RNF215: variants seen among roughly 807,000 people sequenced by gnomAD.
The protein encoded by RNF215 is ring finger protein 215.
Under a neutral mutation model 44.8 loss-of-function variants are expected in RNF215, and 41 were observed. The ratio of observed to expected loss-of-function variants is 0.92; its 90% confidence interval spans 0.71 to 1.19. RNF215 has a LOEUF of 1.19. RNF215 is among the 50% of genes most tolerant of loss of function. The pLI is 0.00. For synonymous variants in RNF215, 218 were observed against 230.1 expected, an observed-to-expected ratio of 0.95 and a Z score of 0.48; for missense variants, 452 against 496.2, an observed-to-expected ratio of 0.91 and a Z score of 0.85.
At chr22:30,381,612 A>G (rs1933530634) in intron 5 of RNF215, among the ~76,000 whole-genome samples, 1 of 152,210 alleles carries the variant, frequency 6.6e-6, no homozygotes, top group Admixed American at 6.5e-5. Flanking sequence ...GCAGCTGAGT[A>G]CTGCTCTGCC....
Position 30,386,266 on chromosome 22 carries a change from T to G in RNF215, c.430-125A>C, listed in dbSNP as rs565797160. ...GAGCAAAACTCTGGACAGACTGCCA[T>G]AAGCTCCTTGAGGTCAAAGGTGGAA... On this transcript the variant is annotated intron_variant, in intron 2 of 8. Coordinates refer to ENST00000382363, the MANE Select transcript of RNF215 (RefSeq NM_001017981.2). The G allele has an allele frequency of 8.8e-5, 79 of 900,674 alleles. No homozygotes were observed. The East Asian group carries it at 2.0e-3, about 23-fold the overall frequency. The allele number at this position is 900,674 out of a possible 1,614,324, so 55.8% of individuals were successfully genotyped here. A position where few individuals can be genotyped will look rare whatever the true frequency, so the allele number is the denominator to read the frequency against.
In RNF215 at chr22:30,379,015, T is replaced by C. The variant is rs1036248051; in HGVS notation, c.*585A>G. ...ACAGGACGGTTTCTAAGACCTCTGG[T>C]CCTAGCCAGGCCCAGGAAGGGAGCC... On this transcript the variant is annotated 3_prime_UTR_variant, in exon 9 of 9. Transcript: ENST00000382363. 1 of 154,196 alleles carries C rather than the reference T, an allele frequency of 6.5e-6. No individual in the cohort carries two copies. Among genetic ancestry groups the C allele is most frequent in the Non-Finnish European group, 1.4e-5 (1 of 69,822 alleles). 9.6% of individuals were successfully genotyped at this position (154,196 alleles called of 1,614,324 possible). A position where few individuals can be genotyped will look rare whatever the true frequency, so the allele number is the denominator to read the frequency against.
Position 30,387,336 on chromosome 22 carries a change from C to T in RNF215, c.-23G>A, listed in dbSNP as rs1933618739. On this transcript the variant is annotated 5_prime_UTR_variant, in exon 1 of 9. Transcript: ENST00000382363. ...CATGGCCGGACCCGGCGAGCTGGCC[C>T]AACAGTGGGGCCAGGGGTCCCGGGC... 3 of 1,053,298 alleles carry T rather than the reference C, an allele frequency of 2.8e-6. No individual in the cohort carries two copies. The highest frequency in any genetic ancestry group is 3.4e-6 in the Non-Finnish European group (3 of 875,350). The allele number at this position is 1,053,298 out of a possible 1,614,324, so 65.2% of individuals were successfully genotyped here.
At chr22:30,385,733 C>T (rs542555286) in intron 4 of RNF215, among the ~76,000 whole-genome samples, 171 bp downstream of exon 4, 3 of 150,646 alleles carry the variant, frequency 2.0e-5, no homozygotes, top group East Asian at 2.0e-4. Flanking sequence ...TCCAGTGAGC[C>T]GAGATTGCGC....
rs1167052049 is a variant in RNF215, at chr22:30,385,918, C to T, written c.573G>A (p.Leu191=). Residue 191 remains leucine, a synonymous_variant, in exon 4 of 9, where the codon TTG becomes TTA. Coordinates refer to ENST00000382363, the MANE Select transcript of RNF215 (RefSeq NM_001017981.2). ...TACCAACTCACTGCAGCAATGCATC[C>T]AACAGCTTGGTGACATTGGAGGAAT... is the stretch of plus-strand genomic sequence containing the variant. ...LHYSSNVTKL[L]DALLQRTQAT... is the part of the protein sequence containing the mutation. The T allele has an allele frequency of 1.2e-6, 2 of 1,613,992 alleles. No homozygotes were observed. Among genetic ancestry groups the T allele is most frequent in the South Asian group, 1.1e-5 (1 of 91,072 alleles).
At position 30,384,405 on chromosome 22, in the gene RNF215, G is replaced by T; in HGVS notation, c.678C>A (p.Leu226=). 1 of 1,614,068 alleles carries T rather than the reference G, an allele frequency of 6.2e-7. No homozygotes were observed. The highest frequency in any genetic ancestry group is 8.5e-7 in the Non-Finnish European group (1 of 1,179,988). ...WKLTLWTTCG[L]SKDGYGGWQD... ...GCCATCCTCCATAGCCATCCTTGGAGAGGCCACAGGTGGTCCACAAGGTCA... is the reference window on the plus strand; with the variant it reads ...GCCATCCTCCATAGCCATCCTTGGATAGGCCACAGGTGGTCCACAAGGTCA... Residue 226 remains leucine, a synonymous_variant, in exon 5 of 9, where the codon CTC becomes CTA. Coordinates refer to ENST00000382363, the MANE Select transcript of RNF215 (RefSeq NM_001017981.2).
intron 2 of RNF215, 57 bp from the exon 3 acceptor site, chr22:30,386,198 A>C: frequency 1.1e-5 from 17 of 1,486,562 alleles, no homozygotes; most frequent in Non-Finnish European, 1.4e-5. Context: ...CACCTGTCTC[A>C]CCACCTGCAG....
Position 30,380,218 on chromosome 22 carries a change from G to T in RNF215, c.865-13C>A. On this transcript the variant is annotated splice_polypyrimidine_tract_variant and intron_variant, in intron 6 of 8. Coordinates refer to ENST00000382363, the MANE Select transcript of RNF215 (RefSeq NM_001017981.2). The surrounding 1 kb of genome is among the most constrained non-coding windows in gnomAD (Gnocchi z 5.3). ...TAAACAGGTCCACCTGTGGGGAGAG[G>T]ACGGGCACAGTCTTGCAGGTCCAAG... is the stretch of plus-strand genomic sequence containing the variant. The T allele has an allele frequency of 6.2e-7, 1 of 1,613,200 alleles. No homozygotes were observed. Among genetic ancestry groups the T allele is most frequent in the Non-Finnish European group, 8.5e-7 (1 of 1,179,540 alleles).
Position 30,379,120 on chromosome 22 carries a change from A to G in RNF215, c.*480T>C, listed in dbSNP as rs978608063. The G allele has an allele frequency of 1.8e-5, 3 of 166,766 alleles. No individual in the cohort carries two copies. The highest frequency in any genetic ancestry group is 4.0e-5 in the Non-Finnish European group (3 of 75,948). The allele number at this position is 166,766 out of a possible 1,614,324, so 10.3% of individuals were successfully genotyped here. A position where few individuals can be genotyped will look rare whatever the true frequency, so the allele number is the denominator to read the frequency against. ...CAGGCAGACAGCCTTGACAAGAAGT[A>G]TCCTGAAAGACGGTCAGGCCAGGGT... On this transcript the variant is annotated 3_prime_UTR_variant, in exon 9 of 9. Transcript: ENST00000382363.
Position 30,387,169 on chromosome 22 carries a change from C to T in RNF215, c.145G>A (p.Ala49Thr). ...PGAAADGSEPAAGAGRGGARA... is the reference protein window; with the variant it reads ...PGAAADGSEPTAGAGRGGARA... ...GCTCCGCCCCGCCCCGCCCCGGCCGCCGGCTCGCTGCCGTCCGCCGCGGCC... is the reference window on the plus strand; with the variant it reads ...GCTCCGCCCCGCCCCGCCCCGGCCGTCGGCTCGCTGCCGTCCGCCGCGGCC... Residue 49 changes from alanine to threonine, a missense_variant, in exon 1 of 9, where the codon GCG (alanine) becomes ACG (threonine). By Grantham distance (58) the Ala-to-Thr change is moderately conservative. Transcript: ENST00000382363. 8.5e-7 allele frequency: 1 copy of T among 1,169,632 alleles called. No homozygotes were observed. Among genetic ancestry groups the T allele is most frequent in the Non-Finnish European group, 1.1e-6 (1 of 948,394 alleles). The allele number at this position is 1,169,632 out of a possible 1,614,324, so 72.5% of individuals were successfully genotyped here.
At chr22:30,382,362 C>T (rs1250376459) in intron 5 of RNF215, among the ~76,000 whole-genome samples, 5 of 151,200 alleles carry the variant, frequency 3.3e-5, no homozygotes, top group Admixed American at 3.3e-4. Flanking sequence ...CGAGATTGCG[C>T]CATTGCACTC....
chr22:30,387,340 A>C lies in RNF215; in HGVS notation c.-27T>G. Reference sequence around the variant, plus strand: ...GCCGGACCCGGCGAGCTGGCCCAACAGTGGGGCCAGGGGTCCCGGGCGCGG... The same window carrying C: ...GCCGGACCCGGCGAGCTGGCCCAACCGTGGGGCCAGGGGTCCCGGGCGCGG... On this transcript the variant is annotated 5_prime_UTR_variant, in exon 1 of 9. Transcript: ENST00000382363. 1 of 1,043,462 alleles carries C rather than the reference A, an allele frequency of 9.6e-7. No individual in the cohort carries two copies. The highest frequency in any genetic ancestry group is 5.6e-5 in the Admixed American group (1 of 17,892). The allele number at this position is 1,043,462 out of a possible 1,614,324, so 64.6% of individuals were successfully genotyped here.
rs777137184 is a variant in RNF215 at position 30,380,451 on chromosome 22, C to T, written c.745-50G>A. ...GACATGGGGCCACCCCCACACGCCT[C>T]CCTTAGGAACATCTACCCCCAGGAA... is the stretch of plus-strand genomic sequence containing the variant. On this transcript the variant is annotated intron_variant, in intron 5 of 8. Transcript: ENST00000382363. This position sits in a 1 kb window ranked among gnomAD's most constrained non-coding sequence, Gnocchi z 5.3. The T allele has an allele frequency of 6.5e-7, 1 of 1,544,622 alleles. No individual in the cohort carries two copies.
rs1417565727 is a variant in RNF215 at position 30,387,168 on chromosome 22, G to A, written c.146C>T (p.Ala49Val). 8 of 1,173,700 alleles carry A rather than the reference G, an allele frequency of 6.8e-6. No homozygotes were observed. In the East Asian group the frequency reaches 2.4e-4, roughly 35 times the overall value. The allele number at this position is 1,173,700 out of a possible 1,614,324, so 72.7% of individuals were successfully genotyped here. Residue 49 changes from alanine (A) to valine (V), a missense_variant, in exon 1 of 9, where the codon GCG (alanine) becomes GTG (valine). Transcript: ENST00000382363. ...PGAAADGSEPAAGAGRGGARA... is the reference protein window; with the variant it reads ...PGAAADGSEPVAGAGRGGARA... ...GGCTCCGCCCCGCCCCGCCCCGGCC[G>A]CCGGCTCGCTGCCGTCCGCCGCGGC...
At position 30,380,436 on chromosome 22, in the gene RNF215, C is replaced by A. The variant is rs779537703; in HGVS notation, c.745-35G>T. 7 of 1,567,736 alleles carry A rather than the reference C, an allele frequency of 4.5e-6. No homozygotes were observed. Among genetic ancestry groups the A allele is most frequent in the Non-Finnish European group, 6.1e-6 (7 of 1,156,148 alleles). On this transcript the variant is annotated intron_variant, in intron 5 of 8. Transcript: ENST00000382363. This position sits in a 1 kb window ranked among gnomAD's most constrained non-coding sequence, Gnocchi z 5.3. Reference sequence around the variant, plus strand: ...GAAGCAGTCATCAGGGACATGGGGCCACCCCCACACGCCTCCCTTAGGAAC... The same window carrying A: ...GAAGCAGTCATCAGGGACATGGGGCAACCCCCACACGCCTCCCTTAGGAAC...
chr22:30,380,959 A>G lies in RNF215; in HGVS notation c.745-558T>C, dbSNP rs1601757645. On this transcript the variant is annotated intron_variant, in intron 5 of 8. Coordinates refer to ENST00000382363, the MANE Select transcript of RNF215 (RefSeq NM_001017981.2). The surrounding 1 kb of genome is among the most constrained non-coding windows in gnomAD (Gnocchi z 5.3). Reference sequence around the variant, plus strand: ...TGCCACCCACTTCCCACCCACGGTCAGAGGGTTCTCCCCTGCACACCAGGC... The same window carrying G: ...TGCCACCCACTTCCCACCCACGGTCGGAGGGTTCTCCCCTGCACACCAGGC... 6.6e-6 allele frequency among the ~76,000 whole-genome samples: 1 copy of G among 152,250 alleles called. No homozygotes were observed. Among genetic ancestry groups the G allele is most frequent in the East Asian group, 1.9e-4 (1 of 5,168 alleles).
Position 30,380,479 on chromosome 22 carries a change from C to T in RNF215, c.745-78G>A. Reference sequence around the variant, plus strand: ...TTAGGAACATCTACCCCCAGGAACGCCAGGGAGCAGGCAGGTGAGGTATGC... The same window carrying T: ...TTAGGAACATCTACCCCCAGGAACGTCAGGGAGCAGGCAGGTGAGGTATGC... On this transcript the variant is annotated intron_variant, in intron 5 of 8. Transcript: ENST00000382363. This position sits in a 1 kb window ranked among gnomAD's most constrained non-coding sequence, Gnocchi z 5.3. 6.6e-7 allele frequency: 1 copy of T among 1,509,262 alleles called. No individual in the cohort carries two copies. The highest frequency in any genetic ancestry group is 1.3e-5 in the South Asian group (1 of 75,450). The allele number at this position is 1,509,262 out of a possible 1,614,324, so 93.5% of individuals were successfully genotyped here.
At position 30,386,682 on chromosome 22, in the gene RNF215, C is replaced by G. The variant is rs780166223; in HGVS notation, c.363G>C (p.Ala121=). 6.2e-7 allele frequency: 1 copy of G among 1,612,822 alleles called. No homozygotes were observed. Among genetic ancestry groups the G allele is most frequent in the East Asian group, 2.2e-5 (1 of 44,878 alleles). Residue 121 remains alanine (A), a synonymous_variant, in exon 2 of 9, where the codon GCG becomes GCC. Transcript: ENST00000382363. ...IAVAYVGKEQ[A]AQFHQENKGS... ...CCTTATTCTCCTGGTGGAACTGGGC[C>G]GCCTGCTCCTTGCCCACGTATGCCA...
intron 7 of RNF215, 32 bp from the exon 8 acceptor site, chr22:30,379,845 A>C: frequency 6.4e-7 from 1 of 1,570,286 alleles, no homozygotes; most frequent in Admixed American, 1.8e-5. Flanking sequence ...GGCTCAGGTC[A>C]CCGAAGCAGG....
Sources: allele counts gnomAD v4.1 joint callset (sites outside exome capture counted in the v4.1 genomes callset), GRCh38; gene constraint gnomAD v4.1.1; non-coding constraint Gnocchi (gnomAD v3.1); transcripts MANE v1.5; gene names NCBI Gene and HGNC (gene_info 2026-07-23, HGNC 2026-07-21).